The following SMG7 variants were observed in gnomAD, a reference collection of about 807,000 sequenced individuals.
SMG7 encodes SMG7 nonsense mediated mRNA decay factor.
SMG7 carries 34 observed loss-of-function variants against 148.2 expected under a neutral mutation model. The observed-to-expected ratio is 0.23, with a 90% CI of 0.17 to 0.31. SMG7 has a LOEUF of 0.31. Ranked by LOEUF, SMG7 falls within the 10% of genes least tolerant of loss-of-function variation. SMG7 has a pLI of 1.00. For missense variants in SMG7, 1,114 were observed against 1,408.4 expected (o/e 0.79, Z 3.35); for synonymous variants, 492 against 515.1 (o/e 0.96, Z 0.61).
chr1:183,502,105 A>G, intron 1 of SMG7: 1 of 492,430 alleles, frequency 2.0e-6, no homozygotes, highest in Non-Finnish European at 3.4e-6. Flanking sequence ...TTGTTCTAAG[A>G]AACATTAAAC....
chr1:183,475,528 A>G (rs1484306472), intron 1 of SMG7, among the ~76,000 whole-genome samples: 1 of 152,238 alleles, frequency 6.6e-6, no homozygotes, highest in Non-Finnish European at 1.5e-5. Context: ...TGTGTAATGT[A>G]GTGGTGGATA....
rs1452046909 is a variant in SMG7 at position 183,527,080 on chromosome 1, A to C, written c.484+313A>C. Among the ~76,000 whole-genome samples, 1 of 152,234 alleles carries C rather than the reference A, an allele frequency of 6.6e-6. No individual in the cohort carries two copies. The highest frequency in any genetic ancestry group is 1.5e-5 in the Non-Finnish European group (1 of 68,032). The stretch of plus-strand genomic sequence containing the variant: ...TTCAAAGTGGTGCCATAATTTCTAA[A>C]TTAAATGTACTCTTCTGGAATAAAT... On this transcript the variant is annotated intron_variant, in intron 5 of 22. Coordinates refer to ENST00000688051, the MANE Select transcript of SMG7 (RefSeq NM_001375584.1). This position sits in a 1 kb window ranked among gnomAD's most constrained non-coding sequence, Gnocchi z 4.0.
intron 1 of SMG7, among the ~76,000 whole-genome samples, chr1:183,478,051 G>C (rs1007678519): frequency 2.6e-5 from 4 of 152,126 alleles, no homozygotes; most frequent in Non-Finnish European, 5.9e-5. Flanking sequence ...AGATAAGGCT[G>C]GATAAAGTAG....
At chr1:183,514,381 G>A (rs1478294903) in intron 2 of SMG7, among the ~76,000 whole-genome samples, 2 of 152,020 alleles carry the variant, frequency 1.3e-5, no homozygotes, top group Non-Finnish European at 2.9e-5. Context: ...TGTGTTGGGG[G>A]GTGAATAGCT....
chr1:183,538,537 C>A (rs1205957165), intron 12 of SMG7, 97 bp downstream of exon 12: 1 of 831,286 alleles, frequency 1.2e-6, no homozygotes, highest in Non-Finnish European at 2.1e-6. Flanking sequence ...TTTGATCTGT[C>A]CCAGCTGTGT....
At chr1:183,491,532 C>T (rs931056033) in intron 1 of SMG7, among the ~76,000 whole-genome samples, 2 of 152,122 alleles carry the variant, frequency 1.3e-5, no homozygotes, top group African/African-American at 2.4e-5. Context: ...TATATACACT[C>T]GGGTACATAC....
intron 1 of SMG7, among the ~76,000 whole-genome samples, chr1:183,493,045 T>C (rs1396312283): frequency 6.6e-6 from 1 of 152,222 alleles, no homozygotes; most frequent in Admixed American, 6.5e-5. Flanking sequence ...CATAATTCAC[T>C]GCGACTTCAA....
intron 6 of SMG7, among the ~76,000 whole-genome samples, chr1:183,528,394 A>T (rs190800289): frequency 6.6e-6 from 1 of 152,280 alleles, no homozygotes; most frequent in Admixed American, 6.5e-5. Context: ...TACCTAAAAG[A>T]TAATCTTTTA....
chr1:183,521,762 A>G (rs1442430120), intron 4 of SMG7, among the ~76,000 whole-genome samples: 1 of 151,868 alleles, frequency 6.6e-6, no homozygotes, highest in Non-Finnish European at 1.5e-5. Context: ...CTACTCTAGG[A>G]AGCTGAGGCA....
intron 12 of SMG7, among the ~76,000 whole-genome samples, chr1:183,540,519 G>A (rs1254283527): frequency 6.6e-6 from 1 of 151,440 alleles, no homozygotes; most frequent in African/African-American, 2.4e-5. Context: ...TATGCTTTAC[G>A]ATATTTATAC....
In SMG7 at chr1:183,526,726, C is replaced by T. The variant is rs760506738; in HGVS notation, c.443C>T (p.Ser148Phe). ...GTGAAGCCACAGTCTAGCTCCTGTT[C>T]CTATATCTGCCAGCACTGCCTCGTC... ...AIVKPQSSSCSYICQHCLVHL... is the reference protein window; with the variant it reads ...AIVKPQSSSCFYICQHCLVHL... Residue 148 changes from serine to phenylalanine, a missense_variant, in exon 5 of 23, where the codon TCC becomes TTC. By Grantham distance (155) the Ser-to-Phe change is radical. Coordinates refer to ENST00000688051, the MANE Select transcript of SMG7 (RefSeq NM_001375584.1). The T allele has an allele frequency of 1.9e-6, 3 of 1,613,606 alleles. No homozygotes were observed. The highest frequency in any genetic ancestry group is 2.7e-5 in the African/African-American group (2 of 75,040).
intron 2 of SMG7, among the ~76,000 whole-genome samples, chr1:183,514,293 T>C (rs1662967695): frequency 6.6e-6 from 1 of 152,088 alleles, no homozygotes; most frequent in African/African-American, 2.4e-5. Flanking sequence ...AAAATATCTT[T>C]TTGTCAGCTC....
intron 1 of SMG7, among the ~76,000 whole-genome samples, chr1:183,477,021 A>C (rs1158838590): frequency 6.6e-6 from 1 of 152,202 alleles, no homozygotes; most frequent in East Asian, 1.9e-4. Flanking sequence ...TTTGAAAAAA[A>C]GAAAAGTGGA....
intron 15 of SMG7, 47 bp downstream of exon 15, chr1:183,544,544 A>G: frequency 6.3e-7 from 1 of 1,586,988 alleles, no homozygotes; most frequent in Non-Finnish European, 8.6e-7. Context: ...TCTGTGCAAG[A>G]ATTTCTATTC....
intron 1 of SMG7, among the ~76,000 whole-genome samples, chr1:183,493,224 C>T (rs180884181): frequency 3.3e-5 from 5 of 152,308 alleles, no homozygotes; most frequent in South Asian, 4.1e-4. Context: ...ATCCCCTGGC[C>T]TCAGCCTCCC....
intron 1 of SMG7, among the ~76,000 whole-genome samples, chr1:183,480,222 C>G (rs2226099): frequency 3.9e-5 from 6 of 152,002 alleles, no homozygotes; most frequent in African/African-American, 1.2e-4. Context: ...TTCCCTTTAC[C>G]GATCTTACTT....
At chr1:183,550,044 G>A (rs964145311) in intron 20 of SMG7, 121 bp downstream of exon 20, 4 of 688,702 alleles carry the variant, frequency 5.8e-6, no homozygotes, top group Non-Finnish European at 9.0e-6. Flanking sequence ...TTTTTTGTTT[G>A]TTTGTTTTTG....
chr1:183,521,259 C>T (rs1664705453), intron 4 of SMG7, among the ~76,000 whole-genome samples: 1 of 151,908 alleles, frequency 6.6e-6, no homozygotes, highest in African/African-American at 2.4e-5. Context: ...CCATCACATC[C>T]AGCTAATTTT....
At chr1:183,490,534 C>T (rs913002944) in intron 1 of SMG7, among the ~76,000 whole-genome samples, 4 of 152,042 alleles carry the variant, frequency 2.6e-5, no homozygotes, top group African/African-American at 9.7e-5. Context: ...AAAATAAAAA[C>T]GTTAAGATTA....
Sources: allele counts gnomAD v4.1 joint callset (sites outside exome capture counted in the v4.1 genomes callset), GRCh38; gene constraint gnomAD v4.1.1; non-coding constraint Gnocchi (gnomAD v3.1); transcripts MANE v1.5; gene names NCBI Gene and HGNC (gene_info 2026-07-23, HGNC 2026-07-21).